The following CUX1 variants were observed in gnomAD, a reference collection of about 807,000 sequenced individuals.
CUX1 encodes protein CASP.
In CUX1, 31 loss-of-function variants were observed where a neutral mutation model predicts 158.8. That is an observed-to-expected ratio of 0.20 (90% CI 0.15 to 0.26). The LOEUF is 0.26. Among genes scored for constraint, CUX1 ranks in the 10% least tolerant of loss-of-function variants. CUX1 has a pLI of 1.00. For missense variants in CUX1, 1,589 were observed against 2,014.6 expected, an observed-to-expected ratio of 0.79 and a Z score of 4.04; for synonymous variants, 879 against 862.1, an observed-to-expected ratio of 1.02 and a Z score of -0.34.
intron 1 of CUX1, among the ~76,000 whole-genome samples, chr7:101,865,259 C>T (rs1013032085): frequency 1.3e-5 from 2 of 152,174 alleles, no homozygotes; most frequent in Non-Finnish European, 2.9e-5. Context: ...TACAGATGCC[C>T]GCCAGCAGTT....
intron 1 of CUX1, among the ~76,000 whole-genome samples, chr7:101,860,002 CCCTT>C (rs1389162637): frequency 2.1e-5 from 3 of 140,768 alleles, no homozygotes; most frequent in Admixed American, 2.1e-4. Flanking sequence ...CTACCTTCCT[CCCTT>C]CCTTCCTTCC....
At chr7:102,040,126 C>T (rs1821902563) in intron 3 of CUX1, among the ~76,000 whole-genome samples, 1 of 152,156 alleles carries the variant, frequency 6.6e-6, no homozygotes, top group Non-Finnish European at 1.5e-5. Flanking sequence ...AACTAGGATC[C>T]TGCTATTCTA....
rs1484365661 is a variant in CUX1 at position 101,916,839 on chromosome 7, TG to T, written c.141+618del. Among the ~76,000 whole-genome samples, 1 of 152,052 alleles carries T rather than the reference TG, an allele frequency of 6.6e-6. No homozygotes were observed. Among genetic ancestry groups the T allele is most frequent in the Non-Finnish European group, 1.5e-5 (1 of 67,994 alleles). Reference sequence around the variant, plus strand: ...CAATCGGGGGACAGTGTTGAGTTGCTGGGGTGGCGTTTTTCTGCTCGTTTCC... The same window carrying T: ...CAATCGGGGGACAGTGTTGAGTTGCTGGGTGGCGTTTTTCTGCTCGTTTCC... On this transcript the variant is annotated intron_variant, in intron 2 of 23. Coordinates refer to ENST00000292535, the MANE Select transcript of CUX1 (RefSeq NM_181552.4). The surrounding 1 kb of genome is among the most constrained non-coding windows in gnomAD (Gnocchi z 4.4).
intron 22 of CUX1, 98 bp downstream of exon 22, chr7:102,234,338 C>T (rs1192481518): frequency 7.6e-6 from 9 of 1,189,748 alleles, no homozygotes; most frequent in Non-Finnish European, 9.8e-6. Context: ...GGACATTGAC[C>T]CATGACCAAG....
At chr7:101,993,905 G>A (rs915236249) in intron 2 of CUX1, among the ~76,000 whole-genome samples, 5 of 152,044 alleles carry the variant, frequency 3.3e-5, no homozygotes, top group African/African-American at 9.7e-5. Flanking sequence ...CATTCCCAGC[G>A]CTCCTGTTAC....
At chr7:102,003,522 G>C (rs933578245) in intron 2 of CUX1, among the ~76,000 whole-genome samples, 2 of 152,138 alleles carry the variant, frequency 1.3e-5, no homozygotes, top group Non-Finnish European at 2.9e-5. Flanking sequence ...GGGGATCTCC[G>C]TTCGAGTCTG....
At chr7:102,031,151 C>G (rs1482935443) in intron 3 of CUX1, among the ~76,000 whole-genome samples, 3 of 152,144 alleles carry the variant, frequency 2.0e-5, no homozygotes, top group Non-Finnish European at 4.4e-5. Flanking sequence ...CTCCACCTCC[C>G]AGGTTCAAGC....
chr7:101,817,321 C>T (rs892883214), upstream of CUX1: 52 of 984,614 alleles, frequency 5.3e-5, no homozygotes, highest in East Asian at 3.5e-3. The surrounding 1 kb of genome is among the most constrained non-coding windows in gnomAD (Gnocchi z 4.1). Context: ...GGGCTTCTGC[C>T]CTCTCTGCAG....
intron 8 of CUX1, chr7:102,115,539 G>T: frequency 2.8e-6 from 1 of 352,640 alleles, no homozygotes. Context: ...TATAAGATGT[G>T]ACACATGGGA....
rs376238545 is a variant in CUX1 at position 102,028,186 on chromosome 7, G to A, written c.189+41G>A. On this transcript the variant is annotated intron_variant, in intron 3 of 23. Coordinates refer to ENST00000292535, the MANE Select transcript of CUX1 (RefSeq NM_181552.4). Reference sequence around the variant, plus strand: ...CATTTTCTATCCTGAGCCACCCTTCGTGGCTAATTGGTCTTTTTATTCACA... The same window carrying A: ...CATTTTCTATCCTGAGCCACCCTTCATGGCTAATTGGTCTTTTTATTCACA... 2.9e-4 allele frequency: 469 copies of A among 1,600,218 alleles called. 2 individuals are homozygous for A. Among genetic ancestry groups the A allele is most frequent in the South Asian group, 1.1e-3 (100 of 90,642 alleles).
At chr7:102,159,223 G>A (rs1392232136) in intron 9 of CUX1, among the ~76,000 whole-genome samples, 2 of 151,914 alleles carry the variant, frequency 1.3e-5, no homozygotes, top group Non-Finnish European at 2.9e-5. Context: ...TATCCTAGGA[G>A]AGTTCCTTAG....
chr7:102,175,155 G>A (rs932670686), intron 10 of CUX1, among the ~76,000 whole-genome samples: 7 of 152,188 alleles, frequency 4.6e-5, no homozygotes, highest in South Asian at 2.1e-4. Context: ...ATGCCCAGCC[G>A]GGCGCAGGAG....
chr7:102,211,538 T>C (rs1796523884), intron 20 of CUX1, among the ~76,000 whole-genome samples: 1 of 151,924 alleles, frequency 6.6e-6, no homozygotes, highest in African/African-American at 2.4e-5. Flanking sequence ...CCCAGCACTT[T>C]GAGAGGCCGA....
At chr7:101,820,424 C>T (rs531287226) in intron 1 of CUX1, among the ~76,000 whole-genome samples, 12 of 152,214 alleles carry the variant, frequency 7.9e-5, no homozygotes, top group South Asian at 2.1e-4. Flanking sequence ...GTATATCTGA[C>T]GAATTGTAAC....
chr7:102,014,227 A>G (rs567750836), intron 2 of CUX1, among the ~76,000 whole-genome samples: 36 of 152,264 alleles, frequency 2.4e-4, no homozygotes, highest in African/African-American at 7.7e-4. Flanking sequence ...CACACCTTTT[A>G]GAAGCTACAT....
chr7:102,110,220 A>G (rs1328633761), intron 6 of CUX1, among the ~76,000 whole-genome samples: 1 of 152,188 alleles, frequency 6.6e-6, no homozygotes, highest in Non-Finnish European at 1.5e-5. Flanking sequence ...TATCCTGCAT[A>G]TTAGTTCGTA....
chr7:101,817,472 G>T (rs1051027540), upstream of CUX1: 2 of 1,079,772 alleles, frequency 1.9e-6, no homozygotes, highest in Non-Finnish European at 2.2e-6. This position sits in a 1 kb window ranked among gnomAD's most constrained non-coding sequence, Gnocchi z 4.1. Flanking sequence ...GCCGCGGGGG[G>T]ACCGTGCCGG....
At chr7:102,200,633 G>A (rs113961427) in intron 17 of CUX1, among the ~76,000 whole-genome samples, 16 of 152,142 alleles carry the variant, frequency 1.1e-4, no homozygotes, top group Admixed American at 2.6e-4. Context: ...GAGCCACCGC[G>A]CCTGGCCCCT....
chr7:102,132,650 C>T (rs112159635), intron 8 of CUX1, among the ~76,000 whole-genome samples: 14 of 150,326 alleles, frequency 9.3e-5, no homozygotes, highest in Admixed American at 2.0e-4. Flanking sequence ...CTCTCACTAC[C>T]GTCATTTTAA....
Sources: gnomAD v4.1 joint callset for allele counts (sites outside exome capture counted in the v4.1 genomes callset) on GRCh38, gnomAD v4.1.1 for gene constraint, Gnocchi (gnomAD v3.1) non-coding constraint, MANE v1.5 for transcripts, NCBI Gene and HGNC (gene_info 2026-07-23, HGNC 2026-07-21) for gene names.